Variants in PRKCZ observed in about 807,000 individuals in gnomAD.
PRKCZ encodes the protein protein kinase C zeta.
In PRKCZ, 33 loss-of-function variants were observed where a neutral mutation model predicts 79.5. The ratio of observed to expected loss-of-function variants is 0.41; its 90% CI spans 0.31 to 0.55. The LOEUF is 0.55. PRKCZ is among the 20% of genes least tolerant of loss of function. The probability of loss-of-function intolerance (pLI) is 0.19; values close to 1 mark genes in which losing one functional copy is unlikely to be tolerated. For synonymous variants in PRKCZ, 342 were observed against 320.9 expected, an observed-to-expected ratio of 1.07 and a Z score of -0.70; for missense variants, 578 against 813.5, an observed-to-expected ratio of 0.71 and a Z score of 3.52.
chr1:2,070,276 C>T (rs1285134108), intron 4 of PRKCZ, among the ~76,000 whole-genome samples: 1 of 152,138 alleles, frequency 6.6e-6, no homozygotes, highest in Non-Finnish European at 1.5e-5. Context: ...CACATTCTGC[C>T]CGTAGCAGGC....
chr1:2,067,867 G>A (rs995602594), intron 4 of PRKCZ, among the ~76,000 whole-genome samples: 2 of 152,194 alleles, frequency 1.3e-5, no homozygotes, highest in African/African-American at 4.8e-5. Context: ...GCTTCCCCTA[G>A]TGATACAAAT....
chr1:2,181,566 C>T (rs759395921), intron 16 of PRKCZ, among the ~76,000 whole-genome samples: 38 of 152,220 alleles, frequency 2.5e-4, no homozygotes, highest in Non-Finnish European at 4.6e-4. Context: ...GCCCACGTGC[C>T]AGCTGCAGAG....
chr1:2,074,104 C>T, intron 4 of PRKCZ: 2 of 1,504,652 alleles, frequency 1.3e-6, no homozygotes, highest in South Asian at 1.3e-5. Context: ...ACGGCTGGTG[C>T]CACGGCCCGG....
chr1:2,072,680 T>C (rs993550602), intron 4 of PRKCZ, among the ~76,000 whole-genome samples: 8 of 152,082 alleles, frequency 5.3e-5, no homozygotes, highest in Non-Finnish European at 1.2e-4. Flanking sequence ...AAAGGTTCGC[T>C]GTGGGACAAG....
At chr1:2,152,722 G>A (rs566450331) in intron 9 of PRKCZ, among the ~76,000 whole-genome samples, 205 of 152,160 alleles carry the variant, frequency 1.3e-3, no homozygotes, top group Non-Finnish European at 1.9e-3. Context: ...CTTCCTCTGC[G>A]GACTTCCGTC....
chr1:2,114,903 T>C (rs1367803837), intron 4 of PRKCZ, among the ~76,000 whole-genome samples: 1 of 152,256 alleles, frequency 6.6e-6, no homozygotes, highest in Admixed American at 6.5e-5. Flanking sequence ...TCTTTTTCTT[T>C]CTTGACTTTT....
At chr1:2,092,442 C>T (rs967231089) in intron 4 of PRKCZ, among the ~76,000 whole-genome samples, 2 of 152,212 alleles carry the variant, frequency 1.3e-5, no homozygotes, top group Middle Eastern at 3.2e-3. Flanking sequence ...CTGAAATGCC[C>T]GGGACTCGGC....
intron 4 of PRKCZ, among the ~76,000 whole-genome samples, chr1:2,068,341 T>C (rs1013619317): frequency 6.6e-6 from 1 of 152,134 alleles, no homozygotes; most frequent in Non-Finnish European, 1.5e-5. Flanking sequence ...CAGGCCAAGG[T>C]GTGGCCAGGG....
rs1460840817 is a variant in PRKCZ, at chr1:2,070,153, G to C, written c.334+10562G>C. The stretch of plus-strand genomic sequence containing the variant: ...CTCGGGGTCATCAGAGCCAGTGCTG[G>C]CTGCCCTGTGCATTTCATGTTGTTG... On this transcript the variant is annotated intron_variant, in intron 4 of 17. Coordinates refer to ENST00000378567, the MANE Select transcript of PRKCZ (RefSeq NM_002744.6). Among the ~76,000 whole-genome samples the C allele has an allele frequency of 3.3e-5, 5 of 152,020 alleles. No homozygotes were observed. The East Asian group carries it at 9.6e-4, about 29-fold the overall frequency.
At position 2,168,615 on chromosome 1, in the gene PRKCZ, AG is replaced by A. The variant is rs1208390114; in HGVS notation, c.975-901del. ...TTAATTCTGGGAGCTTGTGGAGGGC[AG>A]GAGCAGGGACAGGTGCCTTGAGGCG... On this transcript the variant is annotated intron_variant, in intron 10 of 17. Coordinates refer to ENST00000378567, the MANE Select transcript of PRKCZ (RefSeq NM_002744.6). The surrounding 1 kb of genome is among the most constrained non-coding windows in gnomAD (Gnocchi z 4.7). Among the ~76,000 whole-genome samples, 3 of 152,174 alleles carry A rather than the reference AG, an allele frequency of 2.0e-5. No individual in the cohort carries two copies. The East Asian group carries it at 5.8e-4, about 29-fold the overall frequency.
intron 10 of PRKCZ, among the ~76,000 whole-genome samples, chr1:2,158,427 C>T (rs1681541983): frequency 6.6e-6 from 1 of 152,246 alleles, no homozygotes; most frequent in Non-Finnish European, 1.5e-5. Context: ...GTGGCGCCCT[C>T]GCCCGCACCG....
chr1:2,157,681 C>T (rs1299547151), intron 10 of PRKCZ, among the ~76,000 whole-genome samples: 1 of 150,832 alleles, frequency 6.6e-6, no homozygotes, highest in Non-Finnish European at 1.5e-5. Context: ...GTTGGGATTA[C>T]AGGCATGAGT....
chr1:2,048,952 G>A, upstream of PRKCZ, among the ~76,000 whole-genome samples: 1 of 152,174 alleles, frequency 6.6e-6, no homozygotes, highest in East Asian at 1.9e-4. Flanking sequence ...GATCACCTGA[G>A]GTCAGGAGTT....
Position 2,174,020 on chromosome 1 carries a change from C to A in PRKCZ, c.1405+4C>A. 3 of 1,598,926 alleles carry A rather than the reference C, an allele frequency of 1.9e-6. No homozygotes were observed. Among genetic ancestry groups the A allele is most frequent in the Admixed American group, 1.7e-5 (1 of 58,874 alleles). ...ACAGAGGACTACCTTTTCCAAGGTG[C>A]GTGCCCCGCTGTGCGTTCGTACCCC... On this transcript the variant is annotated splice_donor_region_variant and intron_variant, in intron 14 of 17. Transcript: ENST00000378567. This position sits in a 1 kb window ranked among gnomAD's most constrained non-coding sequence, Gnocchi z 6.2.
chr1:2,107,568 G>A (rs1571428331), intron 4 of PRKCZ, among the ~76,000 whole-genome samples: 2 of 152,194 alleles, frequency 1.3e-5, no homozygotes, highest in Non-Finnish European at 2.9e-5. Flanking sequence ...TAGAAGTAGG[G>A]GACTGGGTGA....
At chr1:2,150,666 C>A in intron 8 of PRKCZ, 124 bp from the exon 9 acceptor site, 1 of 985,030 alleles carries the variant, frequency 1.0e-6, no homozygotes, top group Non-Finnish European at 1.5e-6. Flanking sequence ...AACTGAGACT[C>A]GAATCATGAG....
chr1:2,163,758 G>C (rs1682778448), intron 10 of PRKCZ, among the ~76,000 whole-genome samples: 1 of 151,658 alleles, frequency 6.6e-6, no homozygotes, highest in Non-Finnish European at 1.5e-5. Context: ...AATTAGCCAG[G>C]TGTGGTGGTG....
In PRKCZ at chr1:2,135,295, G is replaced by A; in HGVS notation, c.368G>A (p.Arg123Lys). 2 of 1,613,524 alleles carry A rather than the reference G, an allele frequency of 1.2e-6. No individual in the cohort carries two copies. Among genetic ancestry groups the A allele is most frequent in the Non-Finnish European group, 1.7e-6 (2 of 1,179,872 alleles). ...SIYRRGARRW[R>K]KLYRANGHLF... The stretch of plus-strand genomic sequence containing the variant: ...TACCGCCGGGGAGCCAGAAGATGGA[G>A]GAAGCTGTACCGTGCCAACGGCCAC... The change falls in exon 5 of 18, where the codon AGG (arginine) becomes AAG (lysine). Residue 123 changes from arginine (R) to lysine (K), a missense_variant. By Grantham distance (26) the Arg-to-Lys change is conservative (BLOSUM62 2). Transcript: ENST00000378567.
chr1:2,090,735 G>A (rs569577210), intron 4 of PRKCZ, among the ~76,000 whole-genome samples: 9 of 152,372 alleles, frequency 5.9e-5, no homozygotes, highest in South Asian at 2.1e-4. Context: ...AGCCGGGGGC[G>A]TCTCGGAGAG....
Sources: allele counts gnomAD v4.1 joint callset (sites outside exome capture counted in the v4.1 genomes callset), GRCh38; gene constraint gnomAD v4.1.1; non-coding constraint Gnocchi (gnomAD v3.1); transcripts MANE v1.5; gene names NCBI Gene and HGNC (gene_info 2026-07-23, HGNC 2026-07-21).